DMD: variants seen among roughly 807,000 people sequenced by gnomAD.
The protein encoded by DMD is dystrophin.
Under a neutral mutation model 330.1 loss-of-function variants are expected in DMD, and 63 were observed. The ratio of observed to expected loss-of-function variants is 0.19; its 90% CI spans 0.16 to 0.24. DMD has a LOEUF of 0.24. DMD is among the 10% of genes least tolerant of loss of function. DMD has a pLI of 1.00. For synonymous variants in DMD, 1,223 were observed against 959.8 expected, an observed-to-expected ratio of 1.27 and a Z score of -5.07; for missense variants, 3,344 against 2,684.1, an observed-to-expected ratio of 1.25 and a Z score of -5.43.
At chrX:32,320,623 G>A (rs2097608229) in intron 41 of DMD, among the ~76,000 whole-genome samples, 1 of 111,150 alleles carries the variant, frequency 9.0e-6, no homozygotes, top group South Asian at 3.7e-4. Context: ...TTCTGTAATC[G>A]TTTTTTATTC....
At chrX:32,845,359 A>C (rs1325497397) in intron 3 of DMD, among the ~76,000 whole-genome samples, 1 of 111,962 alleles carries the variant, frequency 8.9e-6, no homozygotes, top group Non-Finnish European at 1.9e-5. Context: ...CCCTAATTTT[A>C]TTCTCAATCC....
chrX:32,880,097 T>C (rs2083769394), intron 2 of DMD, among the ~76,000 whole-genome samples: 1 of 111,397 alleles, frequency 9.0e-6, no homozygotes, highest in Non-Finnish European at 1.9e-5. Flanking sequence ...TCCATCCACA[T>C]TGTATCCCCA....
chrX:32,901,720 C>T (rs772093243), intron 2 of DMD, among the ~76,000 whole-genome samples: 39 of 110,316 alleles, frequency 3.5e-4, no homozygotes, highest in Non-Finnish European at 6.2e-4. Flanking sequence ...TATAGGAAAA[C>T]GCTGAATTAC....
intron 44 of DMD, among the ~76,000 whole-genome samples, chrX:32,187,091 T>A (rs927875565): frequency 1.8e-5 from 2 of 110,771 alleles, no homozygotes; most frequent in African/African-American, 3.3e-5. Context: ...AGAAAAAAAA[T>A]AATCTGAAGC....
At chrX:32,885,963 A>G (rs2084520498) in intron 2 of DMD, among the ~76,000 whole-genome samples, 1 of 110,498 alleles carries the variant, frequency 9.0e-6, no homozygotes, top group African/African-American at 3.3e-5. Flanking sequence ...TGCTTGACTA[A>G]TTTGTAGTCA....
chrX:32,023,576 G>A (rs972676641), intron 44 of DMD, among the ~76,000 whole-genome samples: 11 of 112,108 alleles, frequency 9.8e-5, no homozygotes, highest in Non-Finnish European at 1.7e-4. Flanking sequence ...ACATAAATAT[G>A]TTAAATTGAC....
Position 31,812,045 on chromosome X carries a change from T to A in DMD, c.7309+7930A>T, listed in dbSNP as rs1490999234. 6.3e-5 allele frequency among the ~76,000 whole-genome samples: 7 copies of A among 110,664 alleles called. No homozygotes were observed. The Admixed American group carries it at 6.8e-4, about 11-fold the overall frequency. ...GTATTGTCACAATAAATTAACCATT[T>A]TTTTTTTTTGCAATTTAAGCCAACA... On this transcript the variant is annotated intron_variant, in intron 50 of 78. Coordinates refer to ENST00000357033, the MANE Select transcript of DMD (RefSeq NM_004006.3).
intron 61 of DMD, among the ~76,000 whole-genome samples, chrX:31,344,043 G>T (rs1363991127): frequency 2.0e-5 from 2 of 101,797 alleles, no homozygotes; most frequent in Admixed American, 1.1e-4. Context: ...AGTGCGGGGG[G>T]GGGTGGATTA....
chrX:32,557,578 T>A (rs2050450067), intron 16 of DMD, among the ~76,000 whole-genome samples: 1 of 111,954 alleles, frequency 8.9e-6, no homozygotes, highest in African/African-American at 3.2e-5. Flanking sequence ...ATTGCACTTC[T>A]GCAGTTTAAA....
chrX:32,429,676 C>T, intron 29 of DMD, among the ~76,000 whole-genome samples: 1 of 108,868 alleles, frequency 9.2e-6, no homozygotes, highest in Non-Finnish European at 1.9e-5. Context: ...GATTGTTTCC[C>T]AGGTGGATGC....
intron 55 of DMD, among the ~76,000 whole-genome samples, chrX:31,568,095 C>T (rs1335924340): frequency 3.6e-5 from 4 of 111,186 alleles, no homozygotes; most frequent in African/African-American, 1.3e-4. Context: ...TTTCTTTTGT[C>T]TTTCTCTTAT....
intron 43 of DMD, among the ~76,000 whole-genome samples, chrX:32,258,696 G>A (rs1049574126): frequency 5.4e-5 from 6 of 110,521 alleles, no homozygotes; most frequent in South Asian, 7.8e-4. Flanking sequence ...ATAGCATTAG[G>A]AGAAATACCT....
chrX:32,886,324 AAAAAAT>A (rs1356711129), intron 2 of DMD, among the ~76,000 whole-genome samples: 2 of 110,198 alleles, frequency 1.8e-5, no homozygotes, highest in African/African-American at 6.6e-5. Context: ...GTAAACTGGT[AAAAAAT>A]AATAATAATA....
At chrX:32,989,109 T>C (rs1312070028) in intron 2 of DMD, among the ~76,000 whole-genome samples, 2 of 111,905 alleles carry the variant, frequency 1.8e-5, no homozygotes, top group Non-Finnish European at 3.8e-5. Context: ...TATAAAGTTT[T>C]ATTTCTACAG....
intron 15 of DMD, among the ~76,000 whole-genome samples, chrX:32,566,968 A>T (rs1467204273): frequency 8.9e-6 from 1 of 112,311 alleles, no homozygotes; most frequent in Non-Finnish European, 1.9e-5. Context: ...ATGTAAGTTT[A>T]TTTAAGAACT....
intron 44 of DMD, among the ~76,000 whole-genome samples, chrX:32,162,762 T>G (rs1335055200): frequency 9.3e-6 from 1 of 107,514 alleles, no homozygotes; most frequent in African/African-American, 3.4e-5. Context: ...GTATTTTTAG[T>G]AGAGATGGGG....
intron 29 of DMD, among the ~76,000 whole-genome samples, chrX:32,435,270 AC>A (rs1287463898): frequency 1.3e-5 from 1 of 76,784 alleles, no homozygotes; most frequent in African/African-American, 6.2e-5. Context: ...TTTAATATAT[AC>A]TTACATATAT....
At chrX:33,146,092 C>T (rs1451772661) in intron 1 of DMD, among the ~76,000 whole-genome samples, 2 of 110,257 alleles carry the variant, frequency 1.8e-5, no homozygotes, top group African/African-American at 6.6e-5. Context: ...GACGGGATTT[C>T]ACCATATTGG....
intron 1 of DMD, among the ~76,000 whole-genome samples, chrX:33,098,426 G>C (rs757433752): frequency 2.7e-5 from 3 of 111,442 alleles, no homozygotes; most frequent in Non-Finnish European, 5.6e-5. Context: ...AATTCTGCTT[G>C]AATGGGTCTG....
Sources: allele counts gnomAD v4.1 joint callset (sites outside exome capture counted in the v4.1 genomes callset), GRCh38; gene constraint gnomAD v4.1.1; transcripts MANE v1.5; gene names NCBI Gene and HGNC (gene_info 2026-07-23, HGNC 2026-07-21).